HGSNAT: variants seen among roughly 807,000 people sequenced by gnomAD.
The protein encoded by HGSNAT is heparan-alpha-glucosaminide N-acetyltransferase.
Under a neutral mutation model 85.2 loss-of-function variants are expected in HGSNAT, and 59 were observed. The observed-to-expected ratio is 0.69, with a 90% CI of 0.56 to 0.86. HGSNAT has a LOEUF of 0.86. Ranked by LOEUF, HGSNAT falls within the 40% of genes least tolerant of loss-of-function variation. HGSNAT has a pLI of 0.00. For missense variants in HGSNAT, 756 were observed against 777.1 expected (o/e 0.97, Z 0.32); for synonymous variants, 321 against 304.5 (o/e 1.05, Z -0.56).
At chr8:43,181,099 G>C (rs1273207900) in intron 10 of HGSNAT, among the ~76,000 whole-genome samples, 1 of 30 alleles carries the variant, frequency 0.033, no homozygotes, top group Middle Eastern at 0.5. Flanking sequence ...GAGGGAGAGG[G>C]AGAGGGAGAG....
intron 14 of HGSNAT, among the ~76,000 whole-genome samples, chr8:43,195,653 G>A (rs917874713): frequency 8.3e-4 from 11 of 13,264 alleles, no homozygotes; most frequent in East Asian, 4.0e-3. Context: ...AGGAGGAGGG[G>A]CTGGAGGAGG....
At chr8:43,159,521 G>A (rs1452633279) in intron 4 of HGSNAT, among the ~76,000 whole-genome samples, 1 of 152,190 alleles carries the variant, frequency 6.6e-6, no homozygotes, top group African/African-American at 2.4e-5. Context: ...CTGGGAGGCA[G>A]AAGTTGCAAT....
chr8:43,143,024 G>C (rs1802599957), intron 1 of HGSNAT, among the ~76,000 whole-genome samples: 1 of 152,162 alleles, frequency 6.6e-6, no homozygotes, highest in Non-Finnish European at 1.5e-5. Flanking sequence ...TCTACAGAGA[G>C]TGACTAGAAA....
intron 9 of HGSNAT, among the ~76,000 whole-genome samples, chr8:43,176,603 A>G (rs375419749): frequency 6.6e-5 from 10 of 152,272 alleles, no homozygotes; most frequent in African/African-American, 2.2e-4. Context: ...GTATTTTGAT[A>G]GGGATTGCAT....
At chr8:43,175,113 TTTTC>T (rs1266062219) in intron 9 of HGSNAT, among the ~76,000 whole-genome samples, 1 of 152,182 alleles carries the variant, frequency 6.6e-6, no homozygotes, top group Non-Finnish European at 1.5e-5. Flanking sequence ...ATACACCACA[TTTTC>T]TTTCTAAGTG....
At chr8:43,146,025 A>C (rs927044887) in intron 1 of HGSNAT, among the ~76,000 whole-genome samples, 1 of 152,182 alleles carries the variant, frequency 6.6e-6, no homozygotes, top group African/African-American at 2.4e-5. Context: ...AGACAAGAGC[A>C]GTTCACTTTA....
At position 43,155,727 on chromosome 8, in the gene HGSNAT, G is replaced by C. The variant is rs115119766; in HGVS notation, c.235-2848G>C. 2.5e-3 allele frequency among the ~76,000 whole-genome samples: 388 copies of C among 152,248 alleles called. 2 individuals are homozygous for C. The highest frequency in any genetic ancestry group is 9.0e-3 in the African/African-American group (375 of 41,532). On this transcript the variant is annotated intron_variant, in intron 2 of 17. Coordinates refer to ENST00000379644, the MANE Select transcript of HGSNAT (RefSeq NM_152419.3). ...CATTTAAGCTGTTAATCCATTTTGA[G>C]TTGGTTTGTGAAAGATATGAGAGAT...
intron 14 of HGSNAT, chr8:43,196,630 C>A: frequency 1.1e-6 from 1 of 880,804 alleles, no homozygotes; most frequent in Non-Finnish European, 1.7e-6. Context: ...TTCCCCCGAG[C>A]TCTGTGCCTG....
rs138219144 is a variant in HGSNAT, at chr8:43,192,174, C to T, written c.1251-130C>T. On this transcript the variant is annotated intron_variant, in intron 12 of 17. Coordinates refer to ENST00000379644, the MANE Select transcript of HGSNAT (RefSeq NM_152419.3). ...AATTCCTGACCTCAGGTGATCTGCC[C>T]GCCTTGGCCTCCCAAAGTGTTGGGA... 5,791 of 991,112 alleles carry T rather than the reference C, an allele frequency of 5.8e-3. 194 individuals are homozygous for T. In the African/African-American group the frequency reaches 0.078, roughly 13 times the overall value. The allele number at this position is 991,112 out of a possible 1,614,324, so 61.4% of individuals were successfully genotyped here.
chr8:43,164,781 C>G (rs879487737), intron 5 of HGSNAT, among the ~76,000 whole-genome samples: 2 of 151,938 alleles, frequency 1.3e-5, no homozygotes, highest in East Asian at 1.9e-4. Flanking sequence ...GACTCCATCT[C>G]AAAAAATAAA....
At chr8:43,194,676 C>T (rs141412859) in intron 14 of HGSNAT, 53 of 229,542 alleles carry the variant, frequency 2.3e-4, no homozygotes, top group African/African-American at 1.2e-3. Flanking sequence ...ACACGGTGTC[C>T]CCACCAGCTG....
rs553372756 is a variant in HGSNAT at position 43,161,376 on chromosome 8, G to C, written c.494-62G>C. ...CATTTATAGATAAATGTAATGATGT[G>C]ATGTCTTTGATGTTCATGATGACAT... On this transcript the variant is annotated intron_variant, in intron 4 of 17. Coordinates refer to ENST00000379644, the MANE Select transcript of HGSNAT (RefSeq NM_152419.3). 4.0e-5 allele frequency: 50 copies of C among 1,262,576 alleles called. 1 individual carries two copies. In the South Asian group the frequency reaches 5.8e-4, roughly 15 times the overall value. The allele number at this position is 1,262,576 out of a possible 1,614,324, so 78.2% of individuals were successfully genotyped here.
chr8:43,177,278 T>C (rs1803841592), intron 9 of HGSNAT, among the ~76,000 whole-genome samples: 1 of 151,712 alleles, frequency 6.6e-6, no homozygotes, highest in Non-Finnish European at 1.5e-5. Flanking sequence ...GGGCCAGGTG[T>C]GGTGGCTCAT....
chr8:43,193,191 C>G (rs538397662), intron 13 of HGSNAT, among the ~76,000 whole-genome samples: 1 of 152,284 alleles, frequency 6.6e-6, no homozygotes, highest in African/African-American at 2.4e-5. Context: ...TGAATACTTC[C>G]AGCAGCTGGA....
intron 1 of HGSNAT, among the ~76,000 whole-genome samples, chr8:43,145,148 C>A (rs942590667): frequency 6.6e-6 from 1 of 152,140 alleles, no homozygotes; most frequent in Non-Finnish European, 1.5e-5. Flanking sequence ...CAGAAATAAA[C>A]GTTAAAGGAG....
intron 1 of HGSNAT, among the ~76,000 whole-genome samples, chr8:43,142,887 G>C (rs1417748732): frequency 3.3e-5 from 5 of 152,186 alleles, no homozygotes; most frequent in Admixed American, 6.5e-5. Context: ...ACCACCAAAG[G>C]CTTAGAGAAA....
chr8:43,181,031 G>A (rs1162954459), intron 10 of HGSNAT, among the ~76,000 whole-genome samples: 3 of 109,318 alleles, frequency 2.7e-5, no homozygotes, highest in South Asian at 3.6e-4. Flanking sequence ...GCAGTGAGCC[G>A]AGATGGCAGC....
In HGSNAT at chr8:43,178,168, T is replaced by A. The variant is rs752468248; in HGVS notation, c.946T>A (p.Trp316Arg). 3 of 1,601,894 alleles carry A rather than the reference T, an allele frequency of 1.9e-6. No individual in the cohort carries two copies. Among genetic ancestry groups the A allele is most frequent in the South Asian group, 1.1e-5 (1 of 87,762 alleles). Residue 316 changes from tryptophan to arginine, a missense_variant, in exon 10 of 18, where the codon TGG becomes AGG. Transcript: ENST00000379644. ...ATTCAGATTGCTGGGGAAGATTGCA[T>A]GGAGGAGTTTCCTGTTAATCTGCAT... ...SKFRLLGKIA[W>R]RSFLLICIGI...
At chr8:43,150,609 G>A (rs1197087266) in intron 2 of HGSNAT, among the ~76,000 whole-genome samples, 2 of 152,070 alleles carry the variant, frequency 1.3e-5, no homozygotes, top group Non-Finnish European at 2.9e-5. Flanking sequence ...CAAGGTGGGC[G>A]GATCACAAGG....
Sources: allele counts gnomAD v4.1 joint callset (sites outside exome capture counted in the v4.1 genomes callset), GRCh38; gene constraint gnomAD v4.1.1; transcripts MANE v1.5; gene names NCBI Gene and HGNC (gene_info 2026-07-23, HGNC 2026-07-21).